ZNF10: variants seen among roughly 807,000 people sequenced by gnomAD.
ZNF10 encodes the protein zinc finger protein 10 (KOX 1).
Under a neutral mutation model 12.2 loss-of-function variants are expected in ZNF10, and 8 were observed. That is an observed-to-expected ratio of 0.66 (90% CI 0.39 to 1.18). ZNF10 has a LOEUF of 1.18. Ranked by LOEUF, ZNF10 falls within the 50% of genes most tolerant of loss-of-function variation. ZNF10 has a pLI of 0.01. For missense variants in ZNF10, 603 were observed against 678.9 expected, an observed-to-expected ratio of 0.89 and a Z score of 1.24; for synonymous variants, 229 against 228.2, an observed-to-expected ratio of 1.00 and a Z score of -0.03.
intron 1 of ZNF10, among the ~76,000 whole-genome samples, chr12:133,143,041 CAT>C (rs1322894137): frequency 3.9e-5 from 6 of 152,168 alleles, no homozygotes; most frequent in Non-Finnish European, 5.9e-5. Flanking sequence ...CATGTTAAAA[CAT>C]AGATGAACCT....
chr12:133,135,837 G>T (rs575838052), intron 1 of ZNF10, among the ~76,000 whole-genome samples: 1 of 152,344 alleles, frequency 6.6e-6, no homozygotes, highest in African/African-American at 2.4e-5. Context: ...TGCACAGTTT[G>T]CCTTTTCTTC....
At chr12:133,142,151 G>A (rs1408582109) in intron 1 of ZNF10, among the ~76,000 whole-genome samples, 2 of 152,268 alleles carry the variant, frequency 1.3e-5, no homozygotes, top group African/African-American at 2.4e-5. Context: ...GGCCGGGCGC[G>A]GTGGCTCACG....
In ZNF10 at chr12:133,157,188, T is replaced by G. The variant is rs1956048088; in HGVS notation, c.*220T>G. The G allele has an allele frequency of 5.2e-6, 2 of 383,990 alleles. No individual in the cohort carries two copies. Among genetic ancestry groups the G allele is most frequent in the Non-Finnish European group, 8.9e-6 (2 of 223,822 alleles). The allele number at this position is 383,990 out of a possible 1,614,324, so 23.8% of individuals were successfully genotyped here. A position where few individuals can be genotyped will look rare whatever the true frequency, so the allele number is the denominator to read the frequency against. On this transcript the variant is annotated 3_prime_UTR_variant, in exon 5 of 5. Coordinates refer to ENST00000248211, the MANE Select transcript of ZNF10 (RefSeq NM_015394.5). The stretch of plus-strand genomic sequence containing the variant: ...TTCTTTTCATGAATTCCTACAGAAG[T>G]AATTGGCCTGAGAGCATTCTTGACC...
At chr12:133,146,751 C>A (rs1015147217) in intron 2 of ZNF10, among the ~76,000 whole-genome samples, 11 of 151,902 alleles carry the variant, frequency 7.2e-5, no homozygotes, top group African/African-American at 2.7e-4. Flanking sequence ...GAGGCTGAGG[C>A]AGGAGAATTG....
Position 133,155,752 on chromosome 12 carries a change from A to T in ZNF10, c.506A>T (p.Tyr169Phe). 6.2e-7 allele frequency: 1 copy of T among 1,612,980 alleles called. No individual in the cohort carries two copies. Among genetic ancestry groups the T allele is most frequent in the Non-Finnish European group, 8.5e-7 (1 of 1,179,660 alleles). The change falls in exon 5 of 5, where the codon TAT becomes TTT. Residue 169 changes from tyrosine (Y) to phenylalanine (F), a missense_variant. By Grantham distance (22) the Tyr-to-Phe change is conservative (BLOSUM62 3). Around this residue, in one of 3 missense-constraint regions of ZNF10, gnomAD observed 393 missense variants for 399.7 expected, o/e 0.98. Transcript: ENST00000248211. ...TQERVSESGK[Y>F]GGNCLLPAQL... is the part of the protein sequence containing the mutation. ...GAGAGAGTCTCTGAAAGTGGTAAAT[A>T]TGGGGGAAACTGTCTTCTTCCTGCT...
chr12:133,144,521 C>T lies in ZNF10; in HGVS notation c.29C>T (p.Ser10Phe). The change falls in exon 2 of 5, where the codon TCC becomes TTC. Residue 10 changes from serine to phenylalanine, a missense_variant. Physicochemically the swap from Ser to Phe is radical, Grantham distance 155 (BLOSUM62 -2). Around this residue, in one of 3 missense-constraint regions of ZNF10, gnomAD observed 393 missense variants for 399.7 expected, o/e 0.98. Transcript: ENST00000248211. ...GATGCTAAGTCACTAACTGCCTGGT[C>T]CCGGGTAAGCTGGGCTTTCTTCCCA... Reference protein sequence around the residue: MDAKSLTAWSRTLVTFKDVF... With the variant: MDAKSLTAWFRTLVTFKDVF... 1 of 1,613,886 alleles carries T rather than the reference C, an allele frequency of 6.2e-7. No individual in the cohort carries two copies. Among genetic ancestry groups the T allele is most frequent in the Non-Finnish European group, 8.5e-7 (1 of 1,179,876 alleles).
In ZNF10 at chr12:133,155,546, G is replaced by C. The variant is rs895897529; in HGVS notation, c.300G>C (p.Arg100Ser). Reference protein sequence around the residue: ...AFEIKSSVSSRSIFKDKQSCD... With the variant: ...AFEIKSSVSSSSIFKDKQSCD... ...AAATCAAATCATCAGTTTCCAGCAG[G>C]AGCATTTTTAAAGATAAGCAATCCT... The change falls in exon 5 of 5, where the codon AGG (arginine) becomes AGC (serine). Residue 100 changes from arginine (R) to serine (S), a missense_variant. By Grantham distance (110) the Arg-to-Ser change is moderately radical. Transcript: ENST00000248211. 4 of 1,599,122 alleles carry C rather than the reference G, an allele frequency of 2.5e-6. No homozygotes were observed. The highest frequency in any genetic ancestry group is 3.4e-6 in the Non-Finnish European group (4 of 1,175,986).
At chr12:133,138,601 T>G (rs1566344606) in intron 1 of ZNF10, among the ~76,000 whole-genome samples, 1 of 152,214 alleles carries the variant, frequency 6.6e-6, no homozygotes, top group Non-Finnish European at 1.5e-5. Context: ...TCCTTCCCTG[T>G]GCAACAACTC....
At chr12:133,152,733 T>A (rs796489094) in intron 4 of ZNF10, among the ~76,000 whole-genome samples, 1 of 152,170 alleles carries the variant, frequency 6.6e-6, no homozygotes, top group Non-Finnish European at 1.5e-5. Context: ...AGTTTTGTAT[T>A]TAATGTTTTA....
rs755119930 is a variant in ZNF10 at position 133,156,924 on chromosome 12, C to G, written c.1678C>G (p.Leu560Val). The G allele has an allele frequency of 6.9e-7, 1 of 1,459,262 alleles. No homozygotes were observed. Among genetic ancestry groups the G allele is most frequent in the African/African-American group, 1.4e-5 (1 of 70,384 alleles). 90.4% of individuals were successfully genotyped at this position (1,459,262 alleles called of 1,614,324 possible). A position where few individuals can be genotyped will look rare whatever the true frequency, so the allele number is the denominator to read the frequency against. ...CGTALVNTSNLIGYQTNHIRE... is the reference protein window; with the variant it reads ...CGTALVNTSNVIGYQTNHIRE... The stretch of plus-strand genomic sequence containing the variant: ...GACAGCGCTTGTTAATACCTCTAAC[C>G]TTATTGGATACCAGACAAATCATAT... The change falls in exon 5 of 5, where the codon CTT becomes GTT. Residue 560 changes from leucine to valine, a missense_variant. Around this residue, in one of 3 missense-constraint regions of ZNF10, gnomAD observed 204 missense variants for 262.8 expected, o/e 0.78. Coordinates refer to ENST00000248211, the MANE Select transcript of ZNF10 (RefSeq NM_015394.5).
chr12:133,138,659 A>G (rs184880778), intron 1 of ZNF10, among the ~76,000 whole-genome samples: 38 of 152,118 alleles, frequency 2.5e-4, no homozygotes, highest in African/African-American at 8.9e-4. Flanking sequence ...TGTGAAAACT[A>G]TTTTCTTGCT....
At chr12:133,152,598 G>A (rs1593846562) in intron 4 of ZNF10, among the ~76,000 whole-genome samples, 1 of 152,112 alleles carries the variant, frequency 6.6e-6, no homozygotes, top group South Asian at 2.1e-4. Flanking sequence ...GTATTTTTAG[G>A]AGAGATAGGG....
intron 1 of ZNF10, among the ~76,000 whole-genome samples, chr12:133,133,143 G>A (rs564513356): frequency 6.6e-6 from 1 of 152,110 alleles, no homozygotes; most frequent in Non-Finnish European, 1.5e-5. Context: ...GACAGATGCA[G>A]GATCTTTGCC....
Position 133,156,458 on chromosome 12 carries a change from C to T in ZNF10, c.1212C>T (p.Pro404=). 1 of 1,613,578 alleles carries T rather than the reference C, an allele frequency of 6.2e-7. No homozygotes were observed. ...LHQRTHVRVR[P]YECNECGKSY... is the part of the protein sequence containing the mutation. Reference sequence around the variant, plus strand: ...AGAGAACCCATGTGAGAGTGAGGCCCTATGAATGCAATGAATGTGGAAAGT... The same window carrying T: ...AGAGAACCCATGTGAGAGTGAGGCCTTATGAATGCAATGAATGTGGAAAGT... The change falls in exon 5 of 5, where the codon CCC becomes CCT. Residue 404 remains proline (P), a synonymous_variant. Transcript: ENST00000248211.
intron 2 of ZNF10, among the ~76,000 whole-genome samples, chr12:133,147,996 A>G (rs1464749726): frequency 6.6e-6 from 1 of 152,122 alleles, no homozygotes; most frequent in East Asian, 1.9e-4. Context: ...CCTTTGTCAG[A>G]TAATGTGATT....
chr12:133,141,567 G>T (rs1053716908), intron 1 of ZNF10, among the ~76,000 whole-genome samples: 138 of 152,170 alleles, frequency 9.1e-4, no homozygotes, highest in African/African-American at 3.3e-3. Flanking sequence ...AATATACCAG[G>T]TTAACAGAAG....
chr12:133,157,398 C>G lies in ZNF10; in HGVS notation c.*430C>G, dbSNP rs1956049016. On this transcript the variant is annotated 3_prime_UTR_variant, in exon 5 of 5. Coordinates refer to ENST00000248211, the MANE Select transcript of ZNF10 (RefSeq NM_015394.5). ...ATTTCAGTCAATATGTCATTGTTTT[C>G]TTGACTATGTCTCTCTTCTGGGACA... 6.5e-6 allele frequency: 1 copy of G among 153,248 alleles called. No homozygotes were observed. Among genetic ancestry groups the G allele is most frequent in the East Asian group, 1.9e-4 (1 of 5,212 alleles). 9.5% of individuals were successfully genotyped at this position (153,248 alleles called of 1,614,324 possible). A position where few individuals can be genotyped will look rare whatever the true frequency, so the allele number is the denominator to read the frequency against.
Position 133,156,546 on chromosome 12 carries a change from G to C in ZNF10, c.1300G>C (p.Glu434Gln). 4 of 1,613,818 alleles carry C rather than the reference G, an allele frequency of 2.5e-6. No homozygotes were observed. The highest frequency in any genetic ancestry group is 3.4e-6 in the Non-Finnish European group (4 of 1,179,846). ...AATTCACACTGGACTAAAACCTTTT[G>C]AGTGTAAGGATTGTGGAAAATGTTT... is the stretch of plus-strand genomic sequence containing the variant. Reference protein sequence around the residue: ...HRIHTGLKPFECKDCGKCFSR... With the variant: ...HRIHTGLKPFQCKDCGKCFSR... Residue 434 changes from glutamate to glutamine, a missense_variant, in exon 5 of 5, where the codon GAG (glutamate) becomes CAG (glutamine). By Grantham distance (29) the Glu-to-Gln change is conservative. Transcript: ENST00000248211.
intron 1 of ZNF10, among the ~76,000 whole-genome samples, chr12:133,141,629 C>T (rs1955944709): frequency 6.6e-6 from 1 of 151,936 alleles, no homozygotes; most frequent in South Asian, 2.1e-4. Flanking sequence ...AGCAGTAAAA[C>T]TATCCAAAAT....
Sources: allele counts gnomAD v4.1 joint callset (sites outside exome capture counted in the v4.1 genomes callset), GRCh38; gene constraint gnomAD v4.1.1; regional missense constraint gnomAD v4.1.1; transcripts MANE v1.5; gene names NCBI Gene and HGNC (gene_info 2026-07-23, HGNC 2026-07-21).